The following ZNF407 variants were observed in gnomAD, a reference collection of about 807,000 sequenced individuals.
ZNF407 encodes zinc finger protein 407.
Under a neutral mutation model 131.2 loss-of-function variants are expected in ZNF407, and 17 were observed. The ratio of observed to expected loss-of-function variants is 0.13; its 90% CI spans 0.09 to 0.19. The LOEUF is 0.19. Among genes scored for constraint, ZNF407 ranks in the 10% least tolerant of loss-of-function variants. The probability of loss-of-function intolerance (pLI) is 1.00; values close to 1 mark genes in which losing one functional copy is unlikely to be tolerated. For missense variants in ZNF407, 2,681 were observed against 2,830.6 expected, an observed-to-expected ratio of 0.95 and a Z score of 1.20; for synonymous variants, 1,156 against 1,062.0, an observed-to-expected ratio of 1.09 and a Z score of -1.72.
chr18:74,835,919 C>G (rs1313192177), intron 4 of ZNF407, among the ~76,000 whole-genome samples: 1 of 151,320 alleles, frequency 6.6e-6, no homozygotes, highest in Non-Finnish European at 1.5e-5. Context: ...ACCAGTAGCA[C>G]CTGCTGCAGT....
At chr18:75,061,958 A>G (rs572430783) in intron 8 of ZNF407, 71 of 152,438 alleles carry the variant, frequency 4.7e-4, no homozygotes, top group African/African-American at 1.6e-3. Flanking sequence ...ACAGTCCTGT[A>G]GTTTTCCTGC....
At chr18:74,776,146 G>A (rs1352775034) in intron 3 of ZNF407, among the ~76,000 whole-genome samples, 2 of 152,180 alleles carry the variant, frequency 1.3e-5, no homozygotes, top group African/African-American at 4.8e-5. Flanking sequence ...CTTCAGGAAT[G>A]GGATTAGTGT....
Position 74,976,893 on chromosome 18 carries a change from T to TC in ZNF407, c.5428+56202dup, listed in dbSNP as rs569191916. 2.1e-5 allele frequency among the ~76,000 whole-genome samples: 3 copies of TC among 146,062 alleles called. No homozygotes were observed. In the South Asian group the frequency reaches 6.4e-4, roughly 31 times the overall value. On this transcript the variant is annotated intron_variant, in intron 8 of 8. Coordinates refer to ENST00000299687, the MANE Select transcript of ZNF407 (RefSeq NM_017757.3). ...AACTAAATCGAGAATTTTCCCCTGA[T>TC]CTATGAGGAAAACATCTCTACTGAC...
intron 7 of ZNF407, among the ~76,000 whole-genome samples, chr18:74,917,974 G>A (rs1363870612): frequency 6.6e-6 from 1 of 152,154 alleles, no homozygotes; most frequent in Non-Finnish European, 1.5e-5. Flanking sequence ...CTGTAATGCT[G>A]TAGAAAACAT....
chr18:74,977,732 A>C (rs936681602), intron 8 of ZNF407, among the ~76,000 whole-genome samples: 2 of 152,214 alleles, frequency 1.3e-5, no homozygotes, highest in Non-Finnish European at 2.9e-5. Context: ...AGATCCCCAC[A>C]GTCAGAATAC....
chr18:74,910,404 C>T (rs1016013358), intron 7 of ZNF407, among the ~76,000 whole-genome samples: 2 of 151,898 alleles, frequency 1.3e-5, no homozygotes, highest in Non-Finnish European at 2.9e-5. Flanking sequence ...CCTCCAGCTC[C>T]CCACCCCACC....
intron 1 of ZNF407, among the ~76,000 whole-genome samples, chr18:74,601,589 C>A (rs1982586889): frequency 6.6e-6 from 1 of 152,240 alleles, no homozygotes; most frequent in South Asian, 2.1e-4. Flanking sequence ...TCTGGTGAAG[C>A]CTCAGGAAGC....
At chr18:74,965,719 G>A (rs1011670892) in intron 8 of ZNF407, among the ~76,000 whole-genome samples, 8 of 152,148 alleles carry the variant, frequency 5.3e-5, no homozygotes, top group African/African-American at 1.7e-4. Flanking sequence ...TCTACTTTTA[G>A]TTTCTTGAGG....
chr18:74,811,024 G>C (rs1431943407), intron 4 of ZNF407, among the ~76,000 whole-genome samples: 1 of 152,146 alleles, frequency 6.6e-6, no homozygotes, highest in Non-Finnish European at 1.5e-5. Flanking sequence ...ATTGACAAAT[G>C]GGATCTAATT....
intron 3 of ZNF407, among the ~76,000 whole-genome samples, chr18:74,679,789 AC>A (rs1966937976): frequency 6.6e-6 from 1 of 152,180 alleles, no homozygotes. Context: ...TCTTGTGAAT[AC>A]TTGAAGTTGG....
chr18:74,918,437 G>A lies in ZNF407; in HGVS notation c.5250-2077G>A, dbSNP rs185274936. Among the ~76,000 whole-genome samples, 40 of 152,278 alleles carry A rather than the reference G, an allele frequency of 2.6e-4. 1 individual carries two copies. Among genetic ancestry groups the A allele is most frequent in the African/African-American group, 7.9e-4 (33 of 41,548 alleles). On this transcript the variant is annotated intron_variant, in intron 7 of 8. Coordinates refer to ENST00000299687, the MANE Select transcript of ZNF407 (RefSeq NM_017757.3). ...GAGGGTCATGCTTGCCTTCGAAGTC[G>A]CCAAGTCAGTGGAGGTACCTGGCAT... is the stretch of plus-strand genomic sequence containing the variant.
At chr18:74,600,530 C>T (rs1313673725) in intron 1 of ZNF407, among the ~76,000 whole-genome samples, 1 of 152,134 alleles carries the variant, frequency 6.6e-6, no homozygotes, top group Non-Finnish European at 1.5e-5. Flanking sequence ...ACCCACACCT[C>T]AAAGGAGTCC....
At chr18:74,924,471 C>T (rs538641305) in intron 8 of ZNF407, among the ~76,000 whole-genome samples, 1 of 152,260 alleles carries the variant, frequency 6.6e-6, no homozygotes, top group African/African-American at 2.4e-5. Context: ...TGTCATTGTA[C>T]AATTTTTCTT....
intron 8 of ZNF407, chr18:74,921,026 T>C (rs1971840065): frequency 1.0e-6 from 1 of 997,378 alleles, no homozygotes; most frequent in African/African-American, 1.7e-5. Context: ...AAAATTTTAA[T>C]TTTTTTTCTT....
At chr18:74,879,241 C>G (rs1568252421) in intron 5 of ZNF407, among the ~76,000 whole-genome samples, 1 of 152,102 alleles carries the variant, frequency 6.6e-6, no homozygotes, top group African/African-American at 2.4e-5. Context: ...TCATAAATGA[C>G]AGAAAGGAAG....
At chr18:74,785,166 G>A (rs1969679558) in intron 4 of ZNF407, among the ~76,000 whole-genome samples, 1 of 151,642 alleles carries the variant, frequency 6.6e-6, no homozygotes, top group African/African-American at 2.4e-5. Context: ...TTTTACTGGT[G>A]AATATTCAGA....
intron 3 of ZNF407, among the ~76,000 whole-genome samples, chr18:74,713,358 CTTTTTTT>C (rs5826345): frequency 4.7e-5 from 4 of 84,454 alleles, no homozygotes; most frequent in African/African-American, 1.2e-4. Flanking sequence ...ATTTTAGCAT[CTTTTTTT>C]TTTTTTTTTT....
intron 3 of ZNF407, among the ~76,000 whole-genome samples, chr18:74,727,710 A>G (rs1045383761): frequency 2.0e-5 from 3 of 152,214 alleles, no homozygotes; most frequent in African/African-American, 7.2e-5. Flanking sequence ...AGGTATATGC[A>G]GATAGCAAGT....
intron 4 of ZNF407, among the ~76,000 whole-genome samples, chr18:74,842,062 C>T (rs1056302317): frequency 1.2e-4 from 18 of 152,114 alleles, no homozygotes; most frequent in African/African-American, 4.3e-4. Flanking sequence ...ATTTAGATTT[C>T]TTTGGTCTTT....
Sources: gnomAD v4.1 joint callset for allele counts (sites outside exome capture counted in the v4.1 genomes callset) on GRCh38, gnomAD v4.1.1 for gene constraint, MANE v1.5 for transcripts, NCBI Gene and HGNC (gene_info 2026-07-23, HGNC 2026-07-21) for gene names.